Variants in FGF14 observed in about 807,000 individuals in gnomAD.
FGF14 encodes fibroblast growth factor homologous factor 4.
A neutral mutation model predicts 25.5 loss-of-function variants in FGF14; 5 were observed. The observed-to-expected ratio is 0.20, with a 90% CI of 0.10 to 0.41. The LOEUF is 0.41. FGF14 is among the 10% of genes least tolerant of loss of function. The pLI is 1.00. For missense variants in FGF14, 222 were observed against 320.1 expected, an observed-to-expected ratio of 0.69 and a Z score of 2.34; for synonymous variants, 138 against 118.3, an observed-to-expected ratio of 1.17 and a Z score of -1.08.
chr13:102,031,470 A>G (rs1566595680), intron 1 of FGF14, among the ~76,000 whole-genome samples: 1 of 152,122 alleles, frequency 6.6e-6, no homozygotes, highest in Non-Finnish European at 1.5e-5. Flanking sequence ...CTATAAAGCC[A>G]TGCTTTTTTC....
chr13:101,829,037 T>C (rs532218457), intron 3 of FGF14, among the ~76,000 whole-genome samples: 19 of 152,208 alleles, frequency 1.2e-4, no homozygotes, highest in Admixed American at 5.9e-4. Context: ...TTTCTGGTGT[T>C]TCCAAATTCA....
At chr13:102,149,273 T>C (rs2046981070) in intron 1 of FGF14, among the ~76,000 whole-genome samples, 3 of 152,242 alleles carry the variant, frequency 2.0e-5, no homozygotes, top group African/African-American at 4.8e-5. Context: ...GCCTCTCTTA[T>C]GGCGAATTCT....
chr13:102,310,707 G>C (rs1460346634), intron 1 of FGF14, among the ~76,000 whole-genome samples: 2 of 44,496 alleles, frequency 4.5e-5, no homozygotes, highest in African/African-American at 1.6e-4. Flanking sequence ...GGGGGGGGGG[G>C]GGTGGGGGTT....
At chr13:101,913,703 C>T (rs1368551998) in intron 1 of FGF14, among the ~76,000 whole-genome samples, 1 of 150,602 alleles carries the variant, frequency 6.6e-6, no homozygotes. Context: ...GCTTTTTCTA[C>T]CTGCTCTTAA....
chr13:102,109,175 T>C (rs2045087046), intron 1 of FGF14, among the ~76,000 whole-genome samples: 1 of 152,218 alleles, frequency 6.6e-6, no homozygotes, highest in Admixed American at 6.5e-5. Flanking sequence ...TAGCTTTGAT[T>C]CGAACTCAAT....
intron 1 of FGF14, among the ~76,000 whole-genome samples, chr13:102,136,635 G>A (rs990818593): frequency 2.0e-5 from 3 of 148,594 alleles, no homozygotes; most frequent in Non-Finnish European, 4.4e-5. Context: ...CTGTAAAGCA[G>A]CCCACAGATT....
intron 1 of FGF14, among the ~76,000 whole-genome samples, chr13:102,080,853 C>G (rs2043585841): frequency 6.6e-6 from 1 of 152,134 alleles, no homozygotes; most frequent in African/African-American, 2.4e-5. Flanking sequence ...AATTAAAGAC[C>G]AACTAACATT....
chr13:101,858,091 G>A (rs2044219140), intron 3 of FGF14, among the ~76,000 whole-genome samples: 1 of 151,794 alleles, frequency 6.6e-6, no homozygotes. Context: ...ATTAAGAAAT[G>A]GGATTAGTTA....
chr13:102,032,245 A>G (rs1186766617), intron 1 of FGF14, among the ~76,000 whole-genome samples: 1 of 152,066 alleles, frequency 6.6e-6, no homozygotes, highest in African/African-American at 2.4e-5. Context: ...CTACCCACTA[A>G]ATAGGGTTTC....
At chr13:102,163,722 G>T (rs978301630) in intron 1 of FGF14, among the ~76,000 whole-genome samples, 1 of 152,016 alleles carries the variant, frequency 6.6e-6, no homozygotes, top group African/African-American at 2.4e-5. Flanking sequence ...GACCAAGGGA[G>T]CCTGGATTGG....
chr13:102,401,329 G>T, intron 1 of FGF14: 1 of 772,308 alleles, frequency 1.3e-6, no homozygotes, highest in Non-Finnish European at 2.2e-6. Flanking sequence ...GTTTATTCAT[G>T]CAACACCTCT....
At chr13:101,966,015 A>C (rs2037171125) in intron 1 of FGF14, among the ~76,000 whole-genome samples, 1 of 152,134 alleles carries the variant, frequency 6.6e-6, no homozygotes, top group South Asian at 2.1e-4. Flanking sequence ...CTGTACCTAA[A>C]TTTTTCTGAG....
intron 1 of FGF14, among the ~76,000 whole-genome samples, chr13:102,379,233 A>G (rs1488687890): frequency 6.6e-6 from 1 of 152,120 alleles, no homozygotes; most frequent in African/African-American, 2.4e-5. Flanking sequence ...TAAAGGCATT[A>G]GAAACATACC....
intron 1 of FGF14, among the ~76,000 whole-genome samples, chr13:102,368,828 A>C (rs1038265006): frequency 1.3e-5 from 2 of 152,222 alleles, no homozygotes; most frequent in Non-Finnish European, 2.9e-5. Context: ...CATGAAAGGA[A>C]CTATGTAAGA....
In FGF14 at chr13:102,043,854, G is replaced by T. The variant is rs1347982846; in HGVS notation, c.209-168558C>A. ...GGCCAGCTTAACTGGCATGCATGTG[G>T]ACTATCAGTGCGGCTACCACATCCT... On this transcript the variant is annotated intron_variant, in intron 1 of 4. Transcript: ENST00000376131. Among the ~76,000 whole-genome samples, 7 of 152,158 alleles carry T rather than the reference G, an allele frequency of 4.6e-5. No homozygotes were observed. In the East Asian group the frequency reaches 1.2e-3, roughly 25 times the overall value.
chr13:102,046,506 G>GTATAGC (rs1471266843), intron 1 of FGF14, among the ~76,000 whole-genome samples: 1 of 152,184 alleles, frequency 6.6e-6, no homozygotes, highest in Non-Finnish European at 1.5e-5. Flanking sequence ...GGAAAAGTGA[G>GTATAGC]TATAGCTACC....
chr13:101,887,470 G>A (rs990586537), intron 1 of FGF14, among the ~76,000 whole-genome samples: 1 of 151,904 alleles, frequency 6.6e-6, no homozygotes, highest in Non-Finnish European at 1.5e-5. Flanking sequence ...TGGAACTGGA[G>A]GACCTTATGT....
intron 1 of FGF14, among the ~76,000 whole-genome samples, chr13:102,388,476 G>A (rs2058357892): frequency 6.6e-6 from 1 of 152,138 alleles, no homozygotes; most frequent in Non-Finnish European, 1.5e-5. Flanking sequence ...ACTTTCCCAT[G>A]AGGCACCACA....
At chr13:102,334,542 T>A (rs2056733504) in intron 1 of FGF14, among the ~76,000 whole-genome samples, 1 of 152,118 alleles carries the variant, frequency 6.6e-6, no homozygotes, top group Non-Finnish European at 1.5e-5. Context: ...ACAAATGAGA[T>A]GTTCTCTTTT....
Sources: allele counts gnomAD v4.1 joint callset (sites outside exome capture counted in the v4.1 genomes callset), GRCh38; gene constraint gnomAD v4.1.1; transcripts MANE v1.5; gene names NCBI Gene and HGNC (gene_info 2026-07-23, HGNC 2026-07-21).